The following GPR39 variants were observed in gnomAD, a reference collection of about 807,000 sequenced individuals.
GPR39 encodes G protein-coupled receptor 39.
GPR39 carries 23 observed loss-of-function variants against 18.4 expected under a neutral mutation model. The ratio of observed to expected loss-of-function variants is 1.25; its 90% CI spans 0.90 to 1.77. GPR39 has a LOEUF of 1.77. Among genes scored for constraint, GPR39 ranks in the 40% most tolerant of loss-of-function variants. The pLI is 0.00. For missense variants in GPR39, 647 were observed against 602.4 expected, an observed-to-expected ratio of 1.07 and a Z score of -0.78; for synonymous variants, 280 against 257.9, an observed-to-expected ratio of 1.09 and a Z score of -0.82.
At chr2:132,484,390 G>T (rs1681292256) in intron 1 of GPR39, among the ~76,000 whole-genome samples, 1 of 152,164 alleles carries the variant, frequency 6.6e-6, no homozygotes, top group South Asian at 2.1e-4. Context: ...GGCATTAATG[G>T]GTTAGCAAAA....
chr2:132,624,009 A>G (rs1018903364), intron 1 of GPR39, among the ~76,000 whole-genome samples: 1 of 152,178 alleles, frequency 6.6e-6, no homozygotes, highest in Non-Finnish European at 1.5e-5. Flanking sequence ...TAACCTGCTT[A>G]AAAGGAAGCC....
At chr2:132,420,081 C>T (rs1282376265) in intron 1 of GPR39, among the ~76,000 whole-genome samples, 1 of 152,178 alleles carries the variant, frequency 6.6e-6, no homozygotes, top group Non-Finnish European at 1.5e-5. Context: ...TGAGTTTGTT[C>T]TTGCTGCTGC....
At chr2:132,495,157 AAG>A (rs1167918877) in intron 1 of GPR39, among the ~76,000 whole-genome samples, 3 of 152,202 alleles carry the variant, frequency 2.0e-5, no homozygotes, top group African/African-American at 7.2e-5. Context: ...ACCAAAGAGG[AAG>A]AGAGCATCAT....
intron 1 of GPR39, among the ~76,000 whole-genome samples, chr2:132,615,882 G>T (rs1681325010): frequency 6.6e-6 from 1 of 151,354 alleles, no homozygotes; most frequent in South Asian, 2.1e-4. Context: ...GGGAACAAGT[G>T]TGTCTTTAAA....
At chr2:132,631,245 A>C (rs542306679) in intron 1 of GPR39, among the ~76,000 whole-genome samples, 2 of 152,230 alleles carry the variant, frequency 1.3e-5, no homozygotes, top group African/African-American at 2.4e-5. Flanking sequence ...TACTACGTAC[A>C]ACAATGTGCA....
At chr2:132,572,751 A>ACTG (rs1176649636) in intron 1 of GPR39, among the ~76,000 whole-genome samples, 4 of 152,148 alleles carry the variant, frequency 2.6e-5, no homozygotes, top group Non-Finnish European at 4.4e-5. Flanking sequence ...AGATAGCCAC[A>ACTG]CTGCCTAAGT....
At chr2:132,482,266 T>G (rs942334551) in intron 1 of GPR39, among the ~76,000 whole-genome samples, 1 of 152,260 alleles carries the variant, frequency 6.6e-6, no homozygotes, top group Non-Finnish European at 1.5e-5. Context: ...TTCAGCCTGA[T>G]GGACCTGAGG....
At chr2:132,618,133 AAAG>A (rs1209270619) in intron 1 of GPR39, among the ~76,000 whole-genome samples, 9 of 152,184 alleles carry the variant, frequency 5.9e-5, no homozygotes, top group African/African-American at 1.7e-4. Flanking sequence ...GAAGCTGGAA[AAAG>A]AAGACATTCC....
chr2:132,455,317 T>C, intron 1 of GPR39, among the ~76,000 whole-genome samples: 1 of 152,170 alleles, frequency 6.6e-6, no homozygotes, highest in Non-Finnish European at 1.5e-5. Context: ...TCTGTGGGAT[T>C]GGTGGTGATA....
intron 1 of GPR39, among the ~76,000 whole-genome samples, chr2:132,465,453 G>T (rs182099896): frequency 1.8e-4 from 27 of 152,312 alleles, no homozygotes; most frequent in Non-Finnish European, 2.9e-4. Flanking sequence ...GCTGGTATTG[G>T]CAATGAAACT....
chr2:132,527,752 CTG>C (rs1679540030), intron 1 of GPR39, among the ~76,000 whole-genome samples: 1 of 152,134 alleles, frequency 6.6e-6, no homozygotes, highest in South Asian at 2.1e-4. Flanking sequence ...TGAGAAGTGT[CTG>C]TTCATATCCT....
intron 1 of GPR39, among the ~76,000 whole-genome samples, chr2:132,493,406 T>TAC (rs1681555755): frequency 6.9e-6 from 1 of 144,172 alleles, no homozygotes; most frequent in African/African-American, 2.7e-5. Context: ...ACCATATATA[T>TAC]ACACTATATA....
At chr2:132,593,927 C>A (rs977351748) in intron 1 of GPR39, among the ~76,000 whole-genome samples, 4 of 152,156 alleles carry the variant, frequency 2.6e-5, no homozygotes, top group Non-Finnish European at 5.9e-5. Flanking sequence ...GCTGGTCACC[C>A]ATCGTTGCCT....
At position 132,432,460 on chromosome 2, in the gene GPR39, C is replaced by G. The variant is rs778838855; in HGVS notation, c.856+14562C>G. Among the ~76,000 whole-genome samples the G allele has an allele frequency of 8.5e-5, 13 of 152,324 alleles. No individual in the cohort carries two copies. In the South Asian group the frequency reaches 2.7e-3, roughly 32 times the overall value. ...ACAAAAATTCAGACCATAGCATCCT[C>G]TGTGTGTGTCAAATCTCCCTCTGCC... On this transcript the variant is annotated intron_variant, in intron 1 of 1. Coordinates refer to ENST00000329321, the MANE Select transcript of GPR39 (RefSeq NM_001508.3).
At chr2:132,547,745 AT>A (rs1453578513) in intron 1 of GPR39, among the ~76,000 whole-genome samples, 1 of 152,232 alleles carries the variant, frequency 6.6e-6, no homozygotes, top group Admixed American at 6.5e-5. Flanking sequence ...TTGCTGATCC[AT>A]TTTAAAGTGG....
At chr2:132,490,713 C>G (rs1314781237) in intron 1 of GPR39, among the ~76,000 whole-genome samples, 1 of 151,774 alleles carries the variant, frequency 6.6e-6, no homozygotes, top group East Asian at 1.9e-4. Flanking sequence ...TGGGCACAGG[C>G]CTGAACAGGG....
chr2:132,421,614 A>G (rs1272128981), intron 1 of GPR39, among the ~76,000 whole-genome samples: 8 of 152,208 alleles, frequency 5.3e-5, no homozygotes, highest in Admixed American at 4.6e-4. Flanking sequence ...GTTTGCTCAT[A>G]TTGAATATAG....
At chr2:132,450,218 G>T (rs1429002053) in intron 1 of GPR39, among the ~76,000 whole-genome samples, 2 of 152,164 alleles carry the variant, frequency 1.3e-5, no homozygotes, top group Non-Finnish European at 2.9e-5. Flanking sequence ...TGTCTGCATG[G>T]AGCTCATAGG....
intron 1 of GPR39, among the ~76,000 whole-genome samples, chr2:132,608,048 T>C (rs1345652884): frequency 1.3e-5 from 2 of 152,092 alleles, no homozygotes; most frequent in Non-Finnish European, 2.9e-5. Context: ...TCCATGCAAT[T>C]AAATCTTCCA....
Sources: allele counts gnomAD v4.1 joint callset (sites outside exome capture counted in the v4.1 genomes callset), GRCh38; gene constraint gnomAD v4.1.1; transcripts MANE v1.5; gene names NCBI Gene and HGNC (gene_info 2026-07-23, HGNC 2026-07-21).